Variants in NEK7 observed in about 807,000 individuals in gnomAD.
NEK7 encodes the protein NIMA related kinase 7.
NEK7 carries 18 observed loss-of-function variants against 44.6 expected under a neutral mutation model. That is an observed-to-expected ratio of 0.40 (90% confidence interval 0.28 to 0.60). NEK7 has a LOEUF of 0.60. Among genes scored for constraint, NEK7 ranks in the 20% least tolerant of loss-of-function variants. The probability of loss-of-function intolerance (pLI) is 0.38; values close to 1 mark genes in which losing one functional copy is unlikely to be tolerated. For missense variants in NEK7, 256 were observed against 366.5 expected (o/e 0.70, Z 2.46); for synonymous variants, 130 against 121.1 (o/e 1.07, Z -0.48).
chr1:198,175,801 G>T (rs1664587696), intron 1 of NEK7, among the ~76,000 whole-genome samples: 1 of 152,110 alleles, frequency 6.6e-6, no homozygotes, highest in Non-Finnish European at 1.5e-5. Context: ...TCACATGCTT[G>T]TAGGGAAACT....
intron 1 of NEK7, among the ~76,000 whole-genome samples, chr1:198,204,253 C>T (rs1665524009): frequency 6.6e-6 from 1 of 151,938 alleles, no homozygotes; most frequent in Admixed American, 6.5e-5. Flanking sequence ...GAGTAAGAGT[C>T]TGATACAAAA....
chr1:198,275,203 TA>T lies in NEK7; in HGVS notation c.373-2746del, dbSNP rs545123675. On this transcript the variant is annotated intron_variant, in intron 5 of 9. Transcript: ENST00000367385. ...TGCATAGGGAAAAGACTAGCCTACT[TA>T]AAAAAAAAAAAGACTAAACAAAATT... Among the ~76,000 whole-genome samples, 406 of 142,332 alleles carry T rather than the reference TA, an allele frequency of 2.9e-3. 2 individuals carry two copies. Among genetic ancestry groups the T allele is most frequent in the African/African-American group, 4.4e-3 (175 of 39,368 alleles). The allele number at this position is 142,332 out of a possible 152,430, so 93.4% of individuals were successfully genotyped here.
chr1:198,310,014 G>A (rs980383382), intron 9 of NEK7, among the ~76,000 whole-genome samples: 13 of 150,796 alleles, frequency 8.6e-5, no homozygotes, highest in South Asian at 2.1e-4. Flanking sequence ...CTGAGGAATC[G>A]CCACACTGAC....
intron 9 of NEK7, among the ~76,000 whole-genome samples, chr1:198,301,710 T>C (rs527349813): frequency 3.9e-5 from 6 of 152,100 alleles, no homozygotes; most frequent in African/African-American, 1.4e-4. Context: ...TTGAAGAAAA[T>C]TGAGTAAAGA....
intron 8 of NEK7, among the ~76,000 whole-genome samples, chr1:198,294,457 T>G (rs1349890852): frequency 6.6e-6 from 1 of 152,094 alleles, no homozygotes; most frequent in African/African-American, 2.4e-5. Flanking sequence ...GGCCATAGTC[T>G]AATATTATCA....
chr1:198,255,959 T>A (rs1038552983), intron 3 of NEK7, among the ~76,000 whole-genome samples: 6 of 152,158 alleles, frequency 3.9e-5, no homozygotes, highest in Non-Finnish European at 8.8e-5. Context: ...CAGCTTAAAA[T>A]ACAAAATTTT....
At chr1:198,221,728 TA>T (rs1666082641) in intron 1 of NEK7, among the ~76,000 whole-genome samples, 1 of 151,920 alleles carries the variant, frequency 6.6e-6, no homozygotes, top group African/African-American at 2.4e-5. Context: ...CTAAGGTAAA[TA>T]TGTTAGCTGT....
At chr1:198,164,248 A>C (rs978928074) in intron 1 of NEK7, among the ~76,000 whole-genome samples, 4 of 152,240 alleles carry the variant, frequency 2.6e-5, no homozygotes, top group Non-Finnish European at 4.4e-5. Context: ...AGCTTCCAGC[A>C]GAATGTCCCA....
At chr1:198,279,181 G>A in intron 7 of NEK7, 120 bp downstream of exon 7, 1 of 593,140 alleles carries the variant, frequency 1.7e-6, no homozygotes, top group Non-Finnish European at 3.0e-6. Context: ...AAAATCACCA[G>A]GTCCTGAACA....
chr1:198,239,619 G>A (rs11808226), intron 2 of NEK7, among the ~76,000 whole-genome samples: 3,530 of 152,118 alleles, frequency 0.023, 157 homozygotes, highest in African/African-American at 0.08. Context: ...TATGCTTTGT[G>A]AGTATTGTTT....
At chr1:198,305,343 A>C (rs1040972439) in intron 9 of NEK7, among the ~76,000 whole-genome samples, 24 of 152,196 alleles carry the variant, frequency 1.6e-4, no homozygotes, top group Non-Finnish European at 2.9e-5. Context: ...ATAATGTAGT[A>C]CTTAGAATCA....
Position 198,319,458 on chromosome 1 carries a change from G to A in NEK7, c.845G>A (p.Arg282Gln), listed in dbSNP as rs1426043858. 2 of 1,613,192 alleles carry A rather than the reference G, an allele frequency of 1.2e-6. No homozygotes were observed. Among genetic ancestry groups the A allele is most frequent in the Non-Finnish European group, 1.7e-6 (2 of 1,179,502 alleles). The change falls in exon 10 of 10, where the codon CGA (arginine) becomes CAA (glutamine). Residue 282 changes from arginine to glutamine, a missense_variant. Arg to Gln is a conservative substitution (Grantham distance 43). Transcript: ENST00000367385. ...TGCATCAACCCAGATCCAGAGAAGC[G>A]ACCAGACGTCACCTATGTTTATGAC... ...NMCINPDPEK[R>Q]PDVTYVYDVA...
chr1:198,159,625 TATA>T (rs1664039559), intron 1 of NEK7, among the ~76,000 whole-genome samples: 1 of 150,366 alleles, frequency 6.7e-6, no homozygotes, highest in African/African-American at 2.5e-5. Flanking sequence ...AGACTCATTT[TATA>T]GTCTGAACTA....
At chr1:198,169,487 C>T (rs562417802) in intron 1 of NEK7, among the ~76,000 whole-genome samples, 1 of 152,220 alleles carries the variant, frequency 6.6e-6, no homozygotes, top group South Asian at 2.1e-4. Flanking sequence ...GCCTGACTCA[C>T]TCTGCCACTA....
At chr1:198,305,994 A>G (rs932358025) in intron 9 of NEK7, among the ~76,000 whole-genome samples, 2 of 152,152 alleles carry the variant, frequency 1.3e-5, no homozygotes, top group African/African-American at 4.8e-5. Flanking sequence ...AGTACTGTAT[A>G]TAAAAGCTTG....
rs1392946804 is a variant in NEK7, at chr1:198,320,432, T to G, written c.*910T>G. The G allele has an allele frequency of 6.6e-6, 1 of 152,168 alleles. No homozygotes were observed. Among genetic ancestry groups the G allele is most frequent in the Non-Finnish European group, 1.5e-5 (1 of 68,014 alleles). The allele number at this position is 152,168 out of a possible 1,614,324, so 9.4% of individuals were successfully genotyped here. On this transcript the variant is annotated 3_prime_UTR_variant, in exon 10 of 10. Coordinates refer to ENST00000367385, the MANE Select transcript of NEK7 (RefSeq NM_133494.3). ...CTATAATATAAGCCTAAGTTTTTAT[T>G]CATAAGTTTTATTGAAGTTCTGATC...
chr1:198,194,143 G>A (rs1435516853), intron 1 of NEK7, among the ~76,000 whole-genome samples: 1 of 152,010 alleles, frequency 6.6e-6, no homozygotes. Context: ...AATCACTTTT[G>A]GATACTGATT....
intron 3 of NEK7, among the ~76,000 whole-genome samples, chr1:198,261,113 T>G (rs901710669): frequency 6.6e-6 from 1 of 152,180 alleles, no homozygotes; most frequent in East Asian, 1.9e-4. Context: ...GGCAGAATCC[T>G]ATAATTCTTT....
chr1:198,228,681 G>A (rs1469711386), intron 1 of NEK7, among the ~76,000 whole-genome samples: 1 of 152,104 alleles, frequency 6.6e-6, no homozygotes, highest in African/African-American at 2.4e-5. Flanking sequence ...TCTGTTATTG[G>A]TGTATAAGAA....
Sources: gnomAD v4.1 joint callset for allele counts (sites outside exome capture counted in the v4.1 genomes callset) on GRCh38, gnomAD v4.1.1 for gene constraint, MANE v1.5 for transcripts, NCBI Gene and HGNC (gene_info 2026-07-23, HGNC 2026-07-21) for gene names.